Variants in ALG12 observed in about 807,000 individuals in gnomAD.
ALG12 encodes ALG12 alpha-1,6-mannosyltransferase.
A neutral mutation model predicts 46.0 loss-of-function variants in ALG12; 36 were observed. That is an observed-to-expected ratio of 0.78 (90% CI 0.60 to 1.03). ALG12 has a LOEUF of 1.03. Among genes scored for constraint, ALG12 ranks in the 50% least tolerant of loss-of-function variants. ALG12 has a pLI of 0.00. For synonymous variants in ALG12, 326 were observed against 291.6 expected (o/e 1.12, Z -1.20); for missense variants, 599 against 633.5 (o/e 0.95, Z 0.58).
intron 6 of ALG12, among the ~76,000 whole-genome samples, chr22:49,908,291 A>G (rs1318224829): frequency 6.6e-6 from 1 of 152,100 alleles, no homozygotes; most frequent in Non-Finnish European, 1.5e-5. Flanking sequence ...GCACTTCGGG[A>G]GGCCAAGGTG....
chr22:49,914,417 C>G (rs2060598720), intron 1 of ALG12, among the ~76,000 whole-genome samples: 2 of 152,378 alleles, frequency 1.3e-5, no homozygotes, highest in South Asian at 2.1e-4. Flanking sequence ...GAACCCCACC[C>G]TGGGGGCTGG....
At chr22:49,880,361 C>G in the ALG12 span, among the ~76,000 whole-genome samples, 1 of 152,220 alleles carries the variant, frequency 6.6e-6, no homozygotes, top group African/African-American at 2.4e-5. Context: ...GCCAAAGACA[C>G]GAGGAACCTC....
At chr22:49,884,285 T>C in the ALG12 span, 1 of 1,612,678 alleles carries the variant, frequency 6.2e-7, no homozygotes, top group Non-Finnish European at 8.5e-7. Context: ...CCCATCAAAC[T>C]TGTCCAGAAA....
the ALG12 span, among the ~76,000 whole-genome samples, chr22:49,861,182 C>G: frequency 1.3e-5 from 2 of 152,166 alleles, no homozygotes; most frequent in African/African-American, 2.4e-5. Context: ...GCTGTTGACA[C>G]TGTGTGTGTC....
chr22:49,885,975 C>T, the ALG12 span: 19 of 706,900 alleles, frequency 2.7e-5, no homozygotes, highest in African/African-American at 1.4e-4. Flanking sequence ...CGCTGTTGGA[C>T]GTGTCGCAGG....
At position 49,910,017 on chromosome 22, in the gene ALG12, T is replaced by A; in HGVS notation, c.541A>T (p.Ile181Phe). ...RFIWLSAFAI[I>F]VFRVELCLFL... ...AGGCACAGCTCCACCCTGAACACGA[T>A]GATGGCGAAGGCTGACAGCCAGATG... The change falls in exon 5 of 10, where the codon ATC becomes TTC. Residue 181 changes from isoleucine to phenylalanine, a missense_variant. Physicochemically the swap from Ile to Phe is conservative, Grantham distance 21. Coordinates refer to ENST00000330817, the MANE Select transcript of ALG12 (RefSeq NM_024105.4). The A allele has an allele frequency of 6.2e-7, 1 of 1,613,700 alleles. No individual in the cohort carries two copies. Among genetic ancestry groups the A allele is most frequent in the Non-Finnish European group, 8.5e-7 (1 of 1,179,928 alleles).
chr22:49,896,062 T>C (rs1313541237), downstream of ALG12, among the ~76,000 whole-genome samples: 1 of 152,256 alleles, frequency 6.6e-6, no homozygotes, highest in Non-Finnish European at 1.5e-5. Context: ...GAGCTGGTCC[T>C]GATGTCCATG....
At chr22:49,870,579 G>C in the ALG12 span, among the ~76,000 whole-genome samples, 11 of 152,192 alleles carry the variant, frequency 7.2e-5, no homozygotes, top group South Asian at 4.1e-4. Context: ...GATGACTGTT[G>C]ATGTCGAGCA....
Position 49,903,232 on chromosome 22 carries a change from A to T in ALG12, c.*606T>A. On this transcript the variant is annotated 3_prime_UTR_variant, in exon 10 of 10. Transcript: ENST00000330817. ...TCTGTAATCTTGAGAGGTTCCAATC[A>T]ACATTTATTGCCTTATTCTTTTTAT... The T allele has an allele frequency of 2.4e-6, 1 of 417,802 alleles. No homozygotes were observed. The highest frequency in any genetic ancestry group is 4.7e-6 in the Non-Finnish European group (1 of 211,522). The allele number at this position is 417,802 out of a possible 1,614,324, so 25.9% of individuals were successfully genotyped here.
the ALG12 span, among the ~76,000 whole-genome samples, chr22:49,879,226 G>A: frequency 6.6e-6 from 1 of 150,608 alleles, no homozygotes; most frequent in Admixed American, 6.6e-5. Context: ...CCGGGTTCAA[G>A]CGATTCTCCT....
downstream of ALG12, among the ~76,000 whole-genome samples, chr22:49,899,776 G>A (rs909144012): frequency 2.6e-5 from 4 of 152,124 alleles, no homozygotes; most frequent in African/African-American, 4.8e-5. Context: ...AGAGAGGACA[G>A]CAGCTGAGGA....
At chr22:49,912,141 G>A (rs1455821815) in intron 3 of ALG12, among the ~76,000 whole-genome samples, 2 of 151,376 alleles carry the variant, frequency 1.3e-5, no homozygotes, top group African/African-American at 2.4e-5. Context: ...GATCACCCTC[G>A]GCCCCGGGAT....
rs1367163134 is a variant in ALG12, at chr22:49,901,490, T to C, written c.*2348A>G. On this transcript the variant is annotated 3_prime_UTR_variant, in exon 10 of 10. Coordinates refer to ENST00000330817, the MANE Select transcript of ALG12 (RefSeq NM_024105.4). ...TATGTATGCATGGTGTGTGCACGTG[T>C]GCATTGTGTGCATGATTGCATTGTG... 1 of 152,326 alleles carries C rather than the reference T, an allele frequency of 6.6e-6. No homozygotes were observed. The highest frequency in any genetic ancestry group is 2.4e-5 in the African/African-American group (1 of 41,408). 9.4% of individuals were successfully genotyped at this position (152,326 alleles called of 1,614,324 possible).
the ALG12 span, among the ~76,000 whole-genome samples, chr22:49,892,224 C>T: frequency 7.1e-6 from 1 of 141,778 alleles, no homozygotes; most frequent in East Asian, 2.1e-4. Flanking sequence ...TTTTTGAAGA[C>T]ATCAGAGAGT....
At chr22:49,911,533 C>T (rs1349995011) in intron 3 of ALG12, among the ~76,000 whole-genome samples, 1 of 152,076 alleles carries the variant, frequency 6.6e-6, no homozygotes, top group African/African-American at 2.4e-5. Flanking sequence ...CTTCCGGGTT[C>T]AAGCAATTCT....
chr22:49,894,621 G>A, the ALG12 span, among the ~76,000 whole-genome samples: 1 of 152,234 alleles, frequency 6.6e-6, no homozygotes, highest in Non-Finnish European at 1.5e-5. Flanking sequence ...ACACAACAAT[G>A]CTAAACATAA....
the ALG12 span, chr22:49,885,537 G>C: frequency 6.2e-7 from 1 of 1,607,308 alleles, no homozygotes; most frequent in Non-Finnish European, 8.5e-7. Context: ...CCTCCTCTCC[G>C]GACACCCGGG....
At chr22:49,907,312 T>C (rs997859321) in intron 7 of ALG12, among the ~76,000 whole-genome samples, 6 of 152,136 alleles carry the variant, frequency 3.9e-5, no homozygotes, top group African/African-American at 1.2e-4. Context: ...CGCTGGTGCA[T>C]CACCATATGT....
At chr22:49,915,801 G>C (rs1479860021) in intron 1 of ALG12, among the ~76,000 whole-genome samples, 2 of 152,162 alleles carry the variant, frequency 1.3e-5, no homozygotes, top group African/African-American at 4.8e-5. Flanking sequence ...CTGCCTCGCT[G>C]CCACCTCCCC....
Sources: gnomAD v4.1 joint callset for allele counts (sites outside exome capture counted in the v4.1 genomes callset) on GRCh38, gnomAD v4.1.1 for gene constraint, MANE v1.5 for transcripts, NCBI Gene and HGNC (gene_info 2026-07-23, HGNC 2026-07-21) for gene names.